Variants in PHACTR3 observed in about 807,000 individuals in gnomAD.
PHACTR3 encodes protein phosphatase 1, regulatory subunit 123.
A neutral mutation model predicts 66.8 loss-of-function variants in PHACTR3; 16 were observed. The ratio of observed to expected loss-of-function variants is 0.24; its 90% CI spans 0.16 to 0.36. PHACTR3 has a LOEUF of 0.36. Among genes scored for constraint, PHACTR3 ranks in the 10% least tolerant of loss-of-function variants. PHACTR3 has a pLI of 1.00. For missense variants in PHACTR3, 647 were observed against 719.9 expected, an observed-to-expected ratio of 0.90 and a Z score of 1.16; for synonymous variants, 323 against 292.1, an observed-to-expected ratio of 1.11 and a Z score of -1.08.
chr20:59,757,951 C>T (rs2039862753), intron 4 of PHACTR3, among the ~76,000 whole-genome samples: 1 of 152,180 alleles, frequency 6.6e-6, no homozygotes, highest in Non-Finnish European at 1.5e-5. Context: ...GTCTGGGCGA[C>T]AGAGCCAGAC....
intron 1 of PHACTR3, among the ~76,000 whole-genome samples, chr20:59,614,920 G>T (rs1413409220): frequency 6.6e-6 from 1 of 152,150 alleles, no homozygotes; most frequent in East Asian, 1.9e-4. Context: ...TGAGTCAAAT[G>T]GTTGCTGACT....
At chr20:59,668,297 G>A (rs1236377965) in intron 1 of PHACTR3, among the ~76,000 whole-genome samples, 5 of 152,100 alleles carry the variant, frequency 3.3e-5, no homozygotes, top group African/African-American at 9.7e-5. Flanking sequence ...TACGGGGTTA[G>A]AGGTGGACAT....
intron 1 of PHACTR3, among the ~76,000 whole-genome samples, chr20:59,700,968 A>AT (rs11393510): frequency 0.55 from 82,675 of 151,268 alleles, 23,918 homozygotes; most frequent in African/African-American, 0.74. Context: ...TTTTAAAAAA[A>AT]TTTTTTGGCG....
intron 1 of PHACTR3, among the ~76,000 whole-genome samples, chr20:59,605,650 G>C (rs1031122064): frequency 3.3e-5 from 5 of 152,352 alleles, no homozygotes; most frequent in Middle Eastern, 3.4e-3. Flanking sequence ...CCCCGGACAG[G>C]TGTGCTGGGC....
intron 1 of PHACTR3, among the ~76,000 whole-genome samples, chr20:59,660,127 A>C (rs1012990274): frequency 6.6e-6 from 1 of 152,160 alleles, no homozygotes; most frequent in Non-Finnish European, 1.5e-5. Context: ...GAGGCCCCAC[A>C]TATCTCTGGG....
chr20:59,831,106 T>A (rs182507823), intron 8 of PHACTR3, among the ~76,000 whole-genome samples: 1 of 152,276 alleles, frequency 6.6e-6, no homozygotes, highest in Admixed American at 6.5e-5. Flanking sequence ...CTGCTACAGA[T>A]CTGTCGTGTG....
intron 1 of PHACTR3, among the ~76,000 whole-genome samples, chr20:59,579,480 G>A (rs1472422838): frequency 6.6e-6 from 1 of 152,260 alleles, no homozygotes; most frequent in Non-Finnish European, 1.5e-5. Context: ...TGGCACTGGG[G>A]AATAGGAGGG....
chr20:59,686,748 GAT>G (rs879311441), intron 1 of PHACTR3, among the ~76,000 whole-genome samples: 44,407 of 141,880 alleles, frequency 0.31, 7,804 homozygotes, highest in East Asian at 0.62. Flanking sequence ...TGATGATGGT[GAT>G]GATGATGGTG....
At chr20:59,836,394 T>C (rs2058966273) in intron 8 of PHACTR3, 111 bp from the exon 9 acceptor site, 2 of 938,940 alleles carry the variant, frequency 2.1e-6, no homozygotes, top group African/African-American at 3.5e-5. Flanking sequence ...CTTCCAATTT[T>C]GGGAGGCGAT....
intron 1 of PHACTR3, among the ~76,000 whole-genome samples, chr20:59,737,390 C>T (rs981128330): frequency 2.0e-5 from 3 of 152,162 alleles, no homozygotes; most frequent in African/African-American, 4.8e-5. Context: ...TGCAAACATC[C>T]ATCAAGGGCC....
chr20:59,689,514 G>A (rs2037025229), intron 1 of PHACTR3, among the ~76,000 whole-genome samples: 1 of 152,204 alleles, frequency 6.6e-6, no homozygotes, highest in Non-Finnish European at 1.5e-5. Context: ...AGCTGACCGG[G>A]TTACAGGTGC....
intron 8 of PHACTR3, among the ~76,000 whole-genome samples, chr20:59,816,490 T>C (rs1451043454): frequency 2.0e-5 from 3 of 152,154 alleles, no homozygotes; most frequent in Non-Finnish European, 2.9e-5. Context: ...TAGTAGCCAG[T>C]GAGTAGCTGA....
intron 1 of PHACTR3, among the ~76,000 whole-genome samples, chr20:59,667,791 G>T (rs1239603902): frequency 6.6e-6 from 1 of 152,190 alleles, no homozygotes; most frequent in African/African-American, 2.4e-5. Flanking sequence ...GCTGTGGATG[G>T]CCTTTCTGTC....
intron 4 of PHACTR3, among the ~76,000 whole-genome samples, chr20:59,757,586 GC>G (rs1337523163): frequency 6.6e-6 from 1 of 152,114 alleles, no homozygotes; most frequent in Admixed American, 6.5e-5. Context: ...ACTCGCCTCT[GC>G]CCCCTGGTAG....
intron 1 of PHACTR3, among the ~76,000 whole-genome samples, chr20:59,674,568 G>C (rs1268578127): frequency 3.4e-5 from 1 of 29,632 alleles, no homozygotes; most frequent in African/African-American, 3.4e-4. Flanking sequence ...CCTATTCCCC[G>C]CTTCTCCTGT....
chr20:59,739,293 G>A (rs1450169363), intron 1 of PHACTR3, among the ~76,000 whole-genome samples: 1 of 152,138 alleles, frequency 6.6e-6, no homozygotes, highest in Non-Finnish European at 1.5e-5. Flanking sequence ...CCATGGGGCT[G>A]CTTTGTGGAG....
At chr20:59,781,171 A>G (rs2426834) in intron 7 of PHACTR3, among the ~76,000 whole-genome samples, 147,652 of 152,340 alleles carry the variant, frequency 0.97, 71,579 homozygotes, top group East Asian at 1. Flanking sequence ...TTCTCCATCC[A>G]GACATGCAGT....
intron 1 of PHACTR3, among the ~76,000 whole-genome samples, chr20:59,685,141 C>T (rs1178285676): frequency 1.3e-5 from 2 of 152,188 alleles, no homozygotes; most frequent in Non-Finnish European, 2.9e-5. Flanking sequence ...CTCTTGGGGC[C>T]CTGCACCCAC....
intron 1 of PHACTR3, among the ~76,000 whole-genome samples, chr20:59,591,735 G>A (rs2033188175): frequency 6.6e-6 from 1 of 152,152 alleles, no homozygotes; most frequent in Non-Finnish European, 1.5e-5. Context: ...TGGGAAAACT[G>A]TGAATGTTAA....
Sources: allele counts gnomAD v4.1 joint callset (sites outside exome capture counted in the v4.1 genomes callset), GRCh38; gene constraint gnomAD v4.1.1; transcripts MANE v1.5; gene names NCBI Gene and HGNC (gene_info 2026-07-23, HGNC 2026-07-21).